Variants in HNF4G observed in about 807,000 individuals in gnomAD.
HNF4G encodes hepatocyte nuclear factor 4-gamma.
Under a neutral mutation model 50.9 loss-of-function variants are expected in HNF4G, and 21 were observed. That is an observed-to-expected ratio of 0.41 (90% CI 0.29 to 0.59). The LOEUF (loss-of-function observed/expected upper bound fraction) is 0.59. HNF4G is among the 20% of genes least tolerant of loss of function. The pLI is 0.26. For synonymous variants in HNF4G, 198 were observed against 185.6 expected (o/e 1.07, Z -0.54); for missense variants, 527 against 559.4 (o/e 0.94, Z 0.58).
intron 9 of HNF4G, among the ~76,000 whole-genome samples, chr8:75,562,286 A>G (rs947771085): frequency 2.6e-5 from 4 of 152,158 alleles, no homozygotes; most frequent in African/African-American, 9.7e-5. Flanking sequence ...TCTTTGTGTA[A>G]ATAGTATCTG....
intron 1 of HNF4G, among the ~76,000 whole-genome samples, chr8:75,452,631 A>C (rs58135609): frequency 7.2e-6 from 1 of 138,152 alleles, no homozygotes; most frequent in Non-Finnish European, 1.6e-5. Flanking sequence ...AGGCAGGGAA[A>C]TGGCGTGAAC....
intron 2 of HNF4G, among the ~76,000 whole-genome samples, chr8:75,527,596 ATTAG>A: frequency 6.6e-6 from 1 of 152,356 alleles, no homozygotes; most frequent in African/African-American, 2.4e-5. Flanking sequence ...GTATACCAGT[ATTAG>A]TTACAGTCTC....
intron 2 of HNF4G, among the ~76,000 whole-genome samples, chr8:75,494,761 A>C (rs999065035): frequency 3.3e-5 from 5 of 152,054 alleles, no homozygotes; most frequent in African/African-American, 1.2e-4. Flanking sequence ...GTAATAGCAT[A>C]TGTAGAAATA....
chr8:75,430,503 G>A (rs62521433), intron 1 of HNF4G, among the ~76,000 whole-genome samples: 41 of 123,284 alleles, frequency 3.3e-4, no homozygotes, highest in Admixed American at 1.3e-3. Flanking sequence ...AGAGAGAGAG[G>A]GAGAGAGAGA....
At chr8:75,516,464 A>G (rs944905219) in intron 2 of HNF4G, among the ~76,000 whole-genome samples, 5 of 151,950 alleles carry the variant, frequency 3.3e-5, no homozygotes, top group African/African-American at 9.7e-5. Flanking sequence ...ATATTTTTCA[A>G]TGTTTATTTT....
chr8:75,499,157 A>T (rs941203708), intron 2 of HNF4G, among the ~76,000 whole-genome samples: 1 of 152,128 alleles, frequency 6.6e-6, no homozygotes, highest in Non-Finnish European at 1.5e-5. Context: ...AGCTATTCAA[A>T]CTACTAAATG....
chr8:75,539,207 A>G (rs920561108), upstream of HNF4G, among the ~76,000 whole-genome samples: 5 of 152,214 alleles, frequency 3.3e-5, no homozygotes, highest in Non-Finnish European at 7.3e-5. Flanking sequence ...GAAATGAAAC[A>G]TTATACATGT....
chr8:75,540,032 T>A lies in HNF4G; in HGVS notation c.70T>A (p.Tyr24Asn). Reference sequence around the variant, plus strand: ...TTACAGTGAAGTTTTGGACCCAACTTACACAACTTTGGAGTTTGAAACTAT... The same window carrying A: ...TTACAGTGAAGTTTTGGACCCAACTAACACAACTTTGGAGTTTGAAACTAT... Reference protein sequence around the residue: ...ANYSEVLDPTYTTLEFETMQI... With the variant: ...ANYSEVLDPTNTTLEFETMQI... Residue 24 changes from tyrosine (Y) to asparagine (N), a missense_variant, in exon 1 of 10, where the codon TAC (tyrosine) becomes AAC (asparagine). Physicochemically the swap from Tyr to Asn is moderately radical, Grantham distance 143. Around this residue, in one of 5 missense-constraint regions of HNF4G, gnomAD observed 84 missense variants for 87.1 expected, o/e 0.96. Transcript: ENST00000396423. The A allele has an allele frequency of 6.2e-7, 1 of 1,610,022 alleles. No homozygotes were observed. The highest frequency in any genetic ancestry group is 1.1e-5 in the South Asian group (1 of 91,006).
intron 1 of HNF4G, among the ~76,000 whole-genome samples, chr8:75,461,665 G>A (rs955124242): frequency 1.3e-5 from 2 of 151,836 alleles, no homozygotes; most frequent in Non-Finnish European, 2.9e-5. Context: ...TTATCTGTGG[G>A]GGATATGTCC....
At chr8:75,470,902 TTTC>T (rs771159271) in intron 1 of HNF4G, among the ~76,000 whole-genome samples, 10 of 152,298 alleles carry the variant, frequency 6.6e-5, no homozygotes, top group Middle Eastern at 3.4e-3. Context: ...CACTCTAGTC[TTTC>T]TTCTTCTTCT....
chr8:75,554,885 C>T (rs1466767388), intron 5 of HNF4G, among the ~76,000 whole-genome samples: 1 of 152,122 alleles, frequency 6.6e-6, no homozygotes, highest in Non-Finnish European at 1.5e-5. Context: ...TTGCCTGAGA[C>T]CCTGAAAGAC....
At position 75,413,264 on chromosome 8, in the gene HNF4G, A is replaced by G. The variant is rs1243858264; in HGVS notation, c.-144+5102A>G. Among the ~76,000 whole-genome samples the G allele has an allele frequency of 6.1e-5, 8 of 130,402 alleles. No individual in the cohort carries two copies. The East Asian group carries it at 1.8e-3, about 30-fold the overall frequency. 85.5% of individuals were successfully genotyped at this position (130,402 alleles called of 152,430 possible). A position where few individuals can be genotyped will look rare whatever the true frequency, so the allele number is the denominator to read the frequency against. ...CTGGCAGCATTTTGGAAAATGGGTT[A>G]AAGACAGAAAGAAAGGGAGAGGAGA... On this transcript the variant is annotated intron_variant, in intron 1 of 10. Coordinates refer to the HNF4G transcript ENST00000354370.
chr8:75,552,978 A>T (rs1399665937), intron 4 of HNF4G, 64 bp from the exon 5 acceptor site: 1 of 1,217,058 alleles, frequency 8.2e-7, no homozygotes, highest in African/African-American at 1.5e-5. Flanking sequence ...AGTCAAAAGA[A>T]AAAAAGGGGA....
At chr8:75,417,118 TGC>T (rs1382869618) in intron 1 of HNF4G, among the ~76,000 whole-genome samples, 4 of 58,646 alleles carry the variant, frequency 6.8e-5, no homozygotes, top group African/African-American at 1.2e-4. Context: ...CGCACGCGTG[TGC>T]GCACACACAC....
intron 1 of HNF4G, among the ~76,000 whole-genome samples, chr8:75,473,557 T>G (rs1034232530): frequency 1.3e-5 from 2 of 152,176 alleles, no homozygotes; most frequent in Non-Finnish European, 2.9e-5. Context: ...GTGAAGAGAA[T>G]AGTGAAATCA....
chr8:75,454,730 CCTT>C (rs1345422443), intron 1 of HNF4G, among the ~76,000 whole-genome samples: 2 of 152,102 alleles, frequency 1.3e-5, no homozygotes, highest in Admixed American at 6.5e-5. Context: ...ATCACCTCAT[CCTT>C]CTTCATTTCT....
chr8:75,519,283 C>T (rs143426017), intron 2 of HNF4G, among the ~76,000 whole-genome samples: 35 of 152,282 alleles, frequency 2.3e-4, no homozygotes, highest in African/African-American at 8.2e-4. Context: ...TGGTCAAAAC[C>T]ATTCAACAAG....
chr8:75,415,475 G>T (rs1810611742), intron 1 of HNF4G, among the ~76,000 whole-genome samples: 1 of 152,082 alleles, frequency 6.6e-6, no homozygotes, highest in Non-Finnish European at 1.5e-5. Flanking sequence ...GATAGAAAAT[G>T]AGTTTTCAAA....
intron 2 of HNF4G, among the ~76,000 whole-genome samples, chr8:75,497,267 C>G (rs1462133178): frequency 6.6e-6 from 1 of 152,034 alleles, no homozygotes; most frequent in Non-Finnish European, 1.5e-5. Context: ...ACATCTGATT[C>G]CTTGTAAAAG....
Sources: gnomAD v4.1 joint callset for allele counts (sites outside exome capture counted in the v4.1 genomes callset) on GRCh38, gnomAD v4.1.1 for gene constraint, gnomAD v4.1.1 regional missense constraint, MANE v1.5 for transcripts, NCBI Gene and HGNC (gene_info 2026-07-23, HGNC 2026-07-21) for gene names.